The following ANKS1B variants were observed in gnomAD, a reference collection of about 807,000 sequenced individuals.
ANKS1B encodes ankyrin repeat and sterile alpha motif domain containing 1B, also known as ankyrin repeat and sterile alpha motif domain-containing protein 1B.
ANKS1B carries 36 observed loss-of-function variants against 148.3 expected under a neutral mutation model. That is an observed-to-expected ratio of 0.24 (90% CI 0.19 to 0.32). The LOEUF is 0.32. Among genes scored for constraint, ANKS1B ranks in the 10% least tolerant of loss-of-function variants. The pLI is 1.00. For synonymous variants in ANKS1B, 542 were observed against 560.8 expected (o/e 0.97, Z 0.47); for missense variants, 1,157 against 1,542.6 (o/e 0.75, Z 4.19).
At chr12:98,974,691 G>A (rs541582496) in intron 17 of ANKS1B, among the ~76,000 whole-genome samples, 1 of 152,252 alleles carries the variant, frequency 6.6e-6, no homozygotes, top group African/African-American at 2.4e-5. Context: ...CATGAGATGA[G>A]TCCAGGTAGG....
intron 9 of ANKS1B, among the ~76,000 whole-genome samples, chr12:99,512,714 T>C (rs1192548192): frequency 1.3e-5 from 2 of 152,090 alleles, no homozygotes; most frequent in Non-Finnish European, 2.9e-5. Flanking sequence ...TGGAATACTA[T>C]GCAGCCATAA....
At chr12:99,601,921 C>G (rs1434976277) in intron 9 of ANKS1B, among the ~76,000 whole-genome samples, 4 of 151,898 alleles carry the variant, frequency 2.6e-5, no homozygotes. Context: ...GTCTTGTGAC[C>G]TACTATAAGA....
intron 17 of ANKS1B, among the ~76,000 whole-genome samples, chr12:98,942,696 C>T (rs2099838892): frequency 1.3e-5 from 2 of 152,202 alleles, no homozygotes; most frequent in African/African-American, 2.4e-5. Flanking sequence ...TTGCTTTGCA[C>T]GCAGTGAGGG....
At chr12:99,173,767 C>T (rs1263573893) in intron 14 of ANKS1B, among the ~76,000 whole-genome samples, 2 of 152,156 alleles carry the variant, frequency 1.3e-5, no homozygotes, top group Non-Finnish European at 1.5e-5. Context: ...CACCACCAAG[C>T]ATGTGTCCTT....
intron 10 of ANKS1B, among the ~76,000 whole-genome samples, chr12:99,492,251 C>T (rs1013410335): frequency 6.6e-6 from 1 of 152,120 alleles, no homozygotes; most frequent in African/African-American, 2.4e-5. Context: ...ATGCAAATAA[C>T]CATGAGAGGC....
At position 99,384,457 on chromosome 12, in the gene ANKS1B, A is replaced by G. The variant is rs1469436540; in HGVS notation, c.1756+15174T>C. Among the ~76,000 whole-genome samples the G allele has an allele frequency of 6.6e-5, 10 of 152,328 alleles. No individual in the cohort carries two copies. In the East Asian group the frequency reaches 1.9e-3, roughly 29 times the overall value. On this transcript the variant is annotated intron_variant, in intron 12 of 26. Transcript: ENST00000683438. Reference sequence around the variant, plus strand: ...GCAAAGCTTTATGCTAGGTACTGCCATCTGTATTATCTTGAAAAATAGAAG... The same window carrying G: ...GCAAAGCTTTATGCTAGGTACTGCCGTCTGTATTATCTTGAAAAATAGAAG...
intron 14 of ANKS1B, among the ~76,000 whole-genome samples, chr12:99,169,326 T>G (rs1156981781): frequency 6.6e-6 from 1 of 152,198 alleles, no homozygotes; most frequent in Non-Finnish European, 1.5e-5. Context: ...AAAACTCTGA[T>G]GAAACAGTTA....
chr12:98,814,933 C>T (rs1156480036), intron 19 of ANKS1B, among the ~76,000 whole-genome samples: 2 of 152,192 alleles, frequency 1.3e-5, no homozygotes, highest in African/African-American at 4.8e-5. Flanking sequence ...AAATGCAATG[C>T]ATGTCTCGCT....
intron 8 of ANKS1B, among the ~76,000 whole-genome samples, chr12:99,660,561 C>A (rs1278905316): frequency 2.0e-5 from 3 of 151,880 alleles, no homozygotes; most frequent in Admixed American, 6.6e-5. Flanking sequence ...TGGGGTTTCA[C>A]CATGTTGGCC....
chr12:98,984,851 A>C (rs2099922303), intron 17 of ANKS1B, among the ~76,000 whole-genome samples: 2 of 152,018 alleles, frequency 1.3e-5, no homozygotes, highest in Middle Eastern at 3.2e-3. Context: ...CACTGCAAAA[A>C]ATTAAAAAAA....
At chr12:99,125,398 G>A (rs2064036144) in intron 15 of ANKS1B, among the ~76,000 whole-genome samples, 1 of 152,172 alleles carries the variant, frequency 6.6e-6, no homozygotes, top group Non-Finnish European at 1.5e-5. Flanking sequence ...CACGTTCAAT[G>A]CAGTGATGGT....
intron 9 of ANKS1B, among the ~76,000 whole-genome samples, chr12:99,563,059 T>C (rs2097353297): frequency 6.6e-6 from 1 of 152,192 alleles, no homozygotes; most frequent in Non-Finnish European, 1.5e-5. Flanking sequence ...TTCATAAAAT[T>C]GAAGAGAGTT....
chr12:99,283,186 G>T (rs2078697325), intron 12 of ANKS1B, among the ~76,000 whole-genome samples: 1 of 152,102 alleles, frequency 6.6e-6, no homozygotes, highest in African/African-American at 2.4e-5. Flanking sequence ...AGGCTGAAAA[G>T]AAGTAACATG....
chr12:99,538,406 CA>C (rs2097094000), intron 9 of ANKS1B, among the ~76,000 whole-genome samples: 1 of 152,044 alleles, frequency 6.6e-6, no homozygotes, highest in South Asian at 2.1e-4. Context: ...AATGTCTTTC[CA>C]TTTTTCTGTG....
At chr12:99,929,778 T>G (rs1403882242) in intron 1 of ANKS1B, among the ~76,000 whole-genome samples, 6 of 152,178 alleles carry the variant, frequency 3.9e-5, no homozygotes, top group Non-Finnish European at 8.8e-5. Flanking sequence ...TGCTTGTTTT[T>G]CTCAGGTTTG....
At chr12:99,813,017 A>T (rs1371211313) in intron 2 of ANKS1B, among the ~76,000 whole-genome samples, 1 of 151,786 alleles carries the variant, frequency 6.6e-6, no homozygotes, top group East Asian at 1.9e-4. Flanking sequence ...ACACACTTTG[A>T]GTATTCCTTG....
intron 17 of ANKS1B, among the ~76,000 whole-genome samples, chr12:99,029,516 T>C (rs2099950722): frequency 6.6e-6 from 1 of 152,248 alleles, no homozygotes. Context: ...TCTCCCCATG[T>C]ACTCCTTCAA....
chr12:99,894,667 A>G (rs1414094636), intron 1 of ANKS1B, among the ~76,000 whole-genome samples: 1 of 142,076 alleles, frequency 7.0e-6, no homozygotes, highest in African/African-American at 2.5e-5. Context: ...TCAATAAATT[A>G]CATAAGATAT....
chr12:99,788,167 C>T (rs532701404), intron 4 of ANKS1B, among the ~76,000 whole-genome samples: 1 of 152,326 alleles, frequency 6.6e-6, no homozygotes, highest in Admixed American at 6.5e-5. Flanking sequence ...AGTGCCTATG[C>T]CATTCCTCCA....
Sources: gnomAD v4.1 joint callset for allele counts (sites outside exome capture counted in the v4.1 genomes callset) on GRCh38, gnomAD v4.1.1 for gene constraint, MANE v1.5 for transcripts, NCBI Gene and HGNC (gene_info 2026-07-23, HGNC 2026-07-21) for gene names.